The following ANO2 variants were observed in gnomAD, a reference collection of about 807,000 sequenced individuals.
The protein encoded by ANO2 is anoctamin 2.
A neutral mutation model predicts 124.2 loss-of-function variants in ANO2; 101 were observed. The observed-to-expected ratio is 0.81, with a 90% CI of 0.69 to 0.96. The LOEUF (loss-of-function observed/expected upper bound fraction) is 0.96, where lower values mean the gene tolerates loss of function less well. Among genes scored for constraint, ANO2 ranks in the 40% least tolerant of loss-of-function variants. The probability of loss-of-function intolerance (pLI) is 0.00; values close to 1 mark genes in which losing one functional copy is unlikely to be tolerated. For synonymous variants in ANO2, 486 were observed against 482.5 expected (o/e 1.01, Z -0.09); for missense variants, 1,293 against 1,274.5 (o/e 1.01, Z -0.22).
rs138672489 is a variant in ANO2, at chr12:5,779,536, G to A, written c.1055+19971C>T. ...CGAAAAGTCATGGGTGAAAATCTGC[G>A]GAGGAACAGGAAATTCACATAGTCC... On this transcript the variant is annotated intron_variant, in intron 10 of 24. Transcript: ENST00000682330. Among the ~76,000 whole-genome samples, 286 of 152,174 alleles carry A rather than the reference G, an allele frequency of 1.9e-3. 1 individual carries two copies. Among genetic ancestry groups the A allele is most frequent in the Admixed American group, 3.9e-3 (59 of 15,288 alleles).
chr12:5,799,619 T>C lies in ANO2; in HGVS notation c.991-48A>G, dbSNP rs187817991. On this transcript the variant is annotated intron_variant, in intron 9 of 24. Coordinates refer to ENST00000682330, the MANE Select transcript of ANO2 (RefSeq NM_001364791.2). ...CAGGTTAGAGGTAGAGATGGGAAACTTCACCTGATTTTGTCCATCCTAACA... is the reference window on the plus strand; with the variant it reads ...CAGGTTAGAGGTAGAGATGGGAAACCTCACCTGATTTTGTCCATCCTAACA... The C allele has an allele frequency of 2.8e-3, 4,314 of 1,553,018 alleles. 17 individuals are homozygous for C. The highest frequency in any genetic ancestry group is 2.9e-3 in the Non-Finnish European group (3,245 of 1,128,088).
intron 20 of ANO2, among the ~76,000 whole-genome samples, chr12:5,579,034 G>A (rs6489642): frequency 0.21 from 32,157 of 152,172 alleles, 5,304 homozygotes; most frequent in East Asian, 0.46. Context: ...TTTGGCCCAC[G>A]GGCCACAGTT....
intron 20 of ANO2, among the ~76,000 whole-genome samples, chr12:5,580,126 T>C (rs1942659655): frequency 1.3e-5 from 2 of 152,178 alleles, no homozygotes; most frequent in Admixed American, 6.5e-5. Context: ...CTCCCCTACA[T>C]ACTAAGGGCA....
chr12:5,591,521 T>C (rs978111832), intron 20 of ANO2, among the ~76,000 whole-genome samples: 8 of 152,160 alleles, frequency 5.3e-5, no homozygotes, highest in African/African-American at 1.9e-4. Context: ...AAGTAATTGT[T>C]CTTTTCTTTA....
chr12:5,919,918 C>T (rs1941599270), intron 3 of ANO2, among the ~76,000 whole-genome samples: 1 of 151,940 alleles, frequency 6.6e-6, no homozygotes, highest in African/African-American at 2.4e-5. Context: ...AGAATGATCT[C>T]GATCTCCTGA....
intron 15 of ANO2, among the ~76,000 whole-genome samples, chr12:5,646,319 G>A (rs867787471): frequency 3.9e-5 from 6 of 152,238 alleles, no homozygotes; most frequent in African/African-American, 1.2e-4. Flanking sequence ...TCAGCCCTTC[G>A]AGGCTTTGAG....
intron 23 of ANO2, among the ~76,000 whole-genome samples, chr12:5,570,198 C>T (rs1055381327): frequency 1.3e-5 from 2 of 152,094 alleles, no homozygotes; most frequent in African/African-American, 4.8e-5. Context: ...ATAAGATTTC[C>T]ATTAACTCAA....
At chr12:5,594,147 T>C (rs949213336) in intron 20 of ANO2, among the ~76,000 whole-genome samples, 5 of 152,224 alleles carry the variant, frequency 3.3e-5, no homozygotes, top group Admixed American at 1.3e-4. Context: ...AACCCCTGTA[T>C]GATTCCTCTT....
chr12:5,945,363 G>C (rs897555728), upstream of ANO2: 3 of 833,332 alleles, frequency 3.6e-6, no homozygotes, highest in African/African-American at 5.6e-5. Flanking sequence ...CATCCCTCCC[G>C]GCCGCCGGCG....
chr12:5,755,886 T>G (rs142595803), intron 10 of ANO2, among the ~76,000 whole-genome samples: 241 of 152,260 alleles, frequency 1.6e-3, no homozygotes, highest in African/African-American at 5.5e-3. Context: ...AATTTGGATG[T>G]TCATTTCTCT....
At chr12:5,584,549 T>G (rs1206524185) in intron 20 of ANO2, among the ~76,000 whole-genome samples, 1 of 152,186 alleles carries the variant, frequency 6.6e-6, no homozygotes, top group Non-Finnish European at 1.5e-5. Context: ...AAGTGAAAGA[T>G]TCCGCTAGAA....
intron 14 of ANO2, among the ~76,000 whole-genome samples, chr12:5,677,305 CACTT>C (rs746754307): frequency 3.3e-5 from 5 of 152,144 alleles, no homozygotes; most frequent in African/African-American, 7.2e-5. Flanking sequence ...AGTGTCAAGC[CACTT>C]ACTATTTCAG....
intron 16 of ANO2, among the ~76,000 whole-genome samples, chr12:5,616,088 A>G (rs1944792492): frequency 6.6e-6 from 1 of 152,206 alleles, no homozygotes; most frequent in Non-Finnish European, 1.5e-5. Context: ...ACAATGGTTC[A>G]GGACACTTCC....
chr12:5,607,193 G>A (rs992052263), intron 19 of ANO2, among the ~76,000 whole-genome samples: 1 of 152,026 alleles, frequency 6.6e-6, no homozygotes, highest in Non-Finnish European at 1.5e-5. Flanking sequence ...AGGAACAGAA[G>A]AGAAAACGAC....
chr12:5,875,941 A>G (rs1938068738), intron 3 of ANO2, among the ~76,000 whole-genome samples: 2 of 152,136 alleles, frequency 1.3e-5, no homozygotes, highest in Non-Finnish European at 2.9e-5. Flanking sequence ...TAGCCAATGA[A>G]AAACGAATGA....
chr12:5,800,656 T>C (rs1042277252), intron 9 of ANO2, among the ~76,000 whole-genome samples: 5 of 152,200 alleles, frequency 3.3e-5, no homozygotes, highest in African/African-American at 1.2e-4. Flanking sequence ...CCTGAGCCAC[T>C]GAGTCATGGT....
At chr12:5,647,825 G>C in intron 14 of ANO2, 24 bp from the exon 15 acceptor site, 1 of 1,567,960 alleles carries the variant, frequency 6.4e-7, no homozygotes, top group Non-Finnish European at 8.7e-7. Flanking sequence ...GGAGAGTAGA[G>C]ACAATCAGGA....
Position 5,713,426 on chromosome 12 carries a change from C to T in ANO2, c.1545+19094G>A, listed in dbSNP as rs529030338. 2.7e-4 allele frequency among the ~76,000 whole-genome samples: 41 copies of T among 152,180 alleles called. No individual in the cohort carries two copies. The South Asian group carries it at 7.7e-3, about 29-fold the overall frequency. On this transcript the variant is annotated intron_variant, in intron 14 of 24. Transcript: ENST00000682330. The stretch of plus-strand genomic sequence containing the variant: ...AGTGTTTAAAGTTCTCTGTGGGTCT[C>T]GAAGTTCTTTAAACATTCCCTTCCA...
intron 20 of ANO2, among the ~76,000 whole-genome samples, chr12:5,592,390 T>C (rs575432207): frequency 1.3e-5 from 2 of 151,984 alleles, no homozygotes; most frequent in South Asian, 4.2e-4. Flanking sequence ...CAAGGGCAAA[T>C]GTGTCTGAGC....
Sources: allele counts gnomAD v4.1 joint callset (sites outside exome capture counted in the v4.1 genomes callset), GRCh38; gene constraint gnomAD v4.1.1; transcripts MANE v1.5; gene names NCBI Gene and HGNC (gene_info 2026-07-23, HGNC 2026-07-21).